DSC1: variants seen among roughly 807,000 people sequenced by gnomAD.
DSC1 encodes the protein desmocollin-1.
In DSC1, 79 loss-of-function variants were observed where a neutral mutation model predicts 98.8. That is an observed-to-expected ratio of 0.80 (90% CI 0.67 to 0.96). The LOEUF (loss-of-function observed/expected upper bound fraction) is 0.96. Ranked by LOEUF, DSC1 falls within the 50% of genes least tolerant of loss-of-function variation. DSC1 has a pLI of 0.00. For synonymous variants in DSC1, 405 were observed against 372.1 expected (o/e 1.09, Z -1.02); for missense variants, 1,115 against 1,075.9 (o/e 1.04, Z -0.51).
Position 31,157,656 on chromosome 18 carries a change from T to G in DSC1, c.149-83A>C, listed in dbSNP as rs76120868. 1,257 of 1,468,990 alleles carry G rather than the reference T, an allele frequency of 8.6e-4. 13 individuals are homozygous for G. In the East Asian group the frequency reaches 0.024, roughly 28 times the overall value. The allele number at this position is 1,468,990 out of a possible 1,614,324, so 91.0% of individuals were successfully genotyped here. Reference sequence around the variant, plus strand: ...TACAGGAATGACAGCCGTGAGTTAATGCATGAGAAGCAGAAAAAGGGAGGT... The same window carrying G: ...TACAGGAATGACAGCCGTGAGTTAAGGCATGAGAAGCAGAAAAAGGGAGGT... On this transcript the variant is annotated intron_variant, in intron 2 of 15. Coordinates refer to ENST00000257198, the MANE Select transcript of DSC1 (RefSeq NM_024421.2).
At chr18:31,140,608 ATTACT>A (rs1472229282) in intron 9 of DSC1, among the ~76,000 whole-genome samples, 1 of 152,198 alleles carries the variant, frequency 6.6e-6, no homozygotes, top group Non-Finnish European at 1.5e-5. Flanking sequence ...AAAAATTCAA[ATTACT>A]TTACTGCTTA....
chr18:31,131,650 T>C lies in DSC1; in HGVS notation c.2431A>G (p.Thr811Ala), dbSNP rs755308123. 2 of 1,614,008 alleles carry C rather than the reference T, an allele frequency of 1.2e-6. No homozygotes were observed. Among genetic ancestry groups the C allele is most frequent in the African/African-American group, 2.7e-5 (2 of 74,938 alleles). Residue 811 changes from threonine to alanine, a missense_variant, in exon 15 of 16, where the codon ACT (threonine) becomes GCT (alanine). Thr to Ala is a moderately conservative substitution (Grantham distance 58). Coordinates refer to ENST00000257198, the MANE Select transcript of DSC1 (RefSeq NM_024421.2). Reference protein sequence around the residue: ...ESVKGVGQGDTGRYAYTDWQS... With the variant: ...ESVKGVGQGDAGRYAYTDWQS... ...CAGTCCGTGTACGCATATCTGCCAG[T>C]ATCTCCCTGCCCCACTCCCTTGACG...
intron 12 of DSC1, 138 bp from the exon 13 acceptor site, chr18:31,134,268 T>A (rs367943403): frequency 8.4e-7 from 1 of 1,187,420 alleles, no homozygotes; most frequent in Non-Finnish European, 1.2e-6. Flanking sequence ...ATTTGTGATT[T>A]CCCAGAAGAG....
At chr18:31,156,837 A>AT (rs1989107274) in intron 3 of DSC1, among the ~76,000 whole-genome samples, 1 of 152,188 alleles carries the variant, frequency 6.6e-6, no homozygotes, top group Non-Finnish European at 1.5e-5. Context: ...GTGCAAGAAA[A>AT]TGAGCCTAGA....
intron 11 of DSC1, among the ~76,000 whole-genome samples, chr18:31,139,185 A>T (rs1270259732): frequency 1.3e-5 from 2 of 152,134 alleles, no homozygotes; most frequent in Non-Finnish European, 2.9e-5. Context: ...TATTTGGAGG[A>T]CATTCTTTAC....
At chr18:31,159,599 C>T in intron 1 of DSC1, 70 bp from the exon 2 acceptor site, 1 of 1,363,598 alleles carries the variant, frequency 7.3e-7, no homozygotes, top group Non-Finnish European at 9.9e-7. Context: ...GTAGCTTTTT[C>T]TTATTGATAA....
chr18:31,138,845 A>G (rs1988668341), intron 11 of DSC1, among the ~76,000 whole-genome samples: 1 of 152,000 alleles, frequency 6.6e-6, no homozygotes, highest in African/African-American at 2.4e-5. Flanking sequence ...TGGATTAGGC[A>G]GGTAGTCAAA....
intron 7 of DSC1, among the ~76,000 whole-genome samples, chr18:31,144,383 A>G (rs1187864123): frequency 6.6e-6 from 1 of 152,238 alleles, no homozygotes; most frequent in African/African-American, 2.4e-5. Flanking sequence ...TCAGTAGGTA[A>G]ATAAACTGGT....
chr18:31,154,898 A>T lies in DSC1; in HGVS notation c.503T>A (p.Ile168Asn). The T allele has an allele frequency of 1.9e-6, 3 of 1,614,084 alleles. No individual in the cohort carries two copies. Among genetic ancestry groups the T allele is most frequent in the Non-Finnish European group, 2.5e-6 (3 of 1,179,992 alleles). The change falls in exon 5 of 16, where the codon ATC (isoleucine) becomes AAC (asparagine). Residue 168 changes from isoleucine to asparagine, a missense_variant. Coordinates refer to ENST00000257198, the MANE Select transcript of DSC1 (RefSeq NM_024421.2). The stretch of plus-strand genomic sequence containing the variant: ...GCCTGGCCCACTTATGGAATAAAAG[A>T]TGGTGTAATTCTGTGCAGCATCAGA... ...IQSDAAQNYT[I>N]FYSISGPGVD...
Position 31,160,436 on chromosome 18 carries a change from G to A in DSC1, c.64-907C>T, listed in dbSNP as rs1042318405. On this transcript the variant is annotated intron_variant, in intron 1 of 15. Transcript: ENST00000257198. ...TTTTCTCTGAATTCTAGAGTTACGG[G>A]ACCCATTACTTGCGAGGAGGAAAGA... Among the ~76,000 whole-genome samples the A allele has an allele frequency of 2.6e-5, 4 of 152,086 alleles. No homozygotes were observed. In the East Asian group the frequency reaches 5.8e-4, roughly 22 times the overall value.
chr18:31,150,267 T>TCACCACTACTACCATCACCACCAC (rs1988947729), intron 5 of DSC1, among the ~76,000 whole-genome samples: 1 of 84,640 alleles, frequency 1.2e-5, no homozygotes, highest in Non-Finnish European at 2.3e-5. Context: ...ACCATCATCA[T>TCACCACTACTACCATCACCACCAC]CACCACTACC....
In DSC1 at chr18:31,132,742, C is replaced by T. The variant is rs895366519; in HGVS notation, c.2117-53G>A. 8.5e-6 allele frequency: 13 copies of T among 1,526,762 alleles called. 1 individual carries two copies. The highest frequency in any genetic ancestry group is 4.2e-5 in the African/African-American group (3 of 71,832). 94.6% of individuals were successfully genotyped at this position (1,526,762 alleles called of 1,614,324 possible). A position where few individuals can be genotyped will look rare whatever the true frequency, so the allele number is the denominator to read the frequency against. On this transcript the variant is annotated intron_variant, in intron 13 of 15. Transcript: ENST00000257198. ...ACACAGACATTAAATCATTTGATTA[C>T]ATGATTTTTTAAAGTCTTCTTGCAT...
chr18:31,133,760 T>C, intron 13 of DSC1, 131 bp downstream of exon 13: 1 of 945,346 alleles, frequency 1.1e-6, no homozygotes, highest in South Asian at 2.0e-5. Context: ...CCCCAAGACA[T>C]AAAATAGATA....
At chr18:31,137,728 G>T (rs1469573097) in intron 11 of DSC1, among the ~76,000 whole-genome samples, 1 of 152,018 alleles carries the variant, frequency 6.6e-6, no homozygotes, top group East Asian at 1.9e-4. Flanking sequence ...CCAGACTAAT[G>T]GAAACAATCA....
At chr18:31,158,426 AGTGTATTTACTAT>A (rs1989143073) in intron 2 of DSC1, among the ~76,000 whole-genome samples, 1 of 152,230 alleles carries the variant, frequency 6.6e-6, no homozygotes, top group Non-Finnish European at 1.5e-5. Flanking sequence ...TAACACATTT[AGTGTATTTACTAT>A]GTGTCTTTAG....
chr18:31,140,363 C>G, intron 9 of DSC1, 62 bp from the exon 10 acceptor site: 1 of 1,474,642 alleles, frequency 6.8e-7, no homozygotes, highest in South Asian at 1.3e-5. Context: ...CTTCTAATTT[C>G]AAATTTTCCT....
chr18:31,159,047 G>GTTTTTTTTTGT, intron 2 of DSC1, among the ~76,000 whole-genome samples: 1 of 71,072 alleles, frequency 1.4e-5, no homozygotes, highest in East Asian at 5.5e-4. Flanking sequence ...CTACTATGTG[G>GTTTTTTTTTGT]TTTTTTTTTT....
intron 2 of DSC1, among the ~76,000 whole-genome samples, 198 bp from the exon 3 acceptor site, chr18:31,157,771 T>C (rs1989129471): frequency 6.6e-6 from 1 of 152,246 alleles, no homozygotes; most frequent in Non-Finnish European, 1.5e-5. Flanking sequence ...CATTTTCCAC[T>C]ACCTTCGTCA....
At chr18:31,139,047 A>G (rs1988673278) in intron 11 of DSC1, among the ~76,000 whole-genome samples, 1 of 151,978 alleles carries the variant, frequency 6.6e-6, no homozygotes. Context: ...TAGTACATGT[A>G]TATAAAAATA....
Sources: allele counts gnomAD v4.1 joint callset (sites outside exome capture counted in the v4.1 genomes callset), GRCh38; gene constraint gnomAD v4.1.1; transcripts MANE v1.5; gene names NCBI Gene and HGNC (gene_info 2026-07-23, HGNC 2026-07-21).